Variants in RIMS3 observed in about 807,000 individuals in gnomAD.
RIMS3 encodes regulating synaptic membrane exocytosis 3.
In RIMS3, 15 loss-of-function variants were observed where a neutral mutation model predicts 29.2. That is an observed-to-expected ratio of 0.51 (90% CI 0.34 to 0.79). The LOEUF is 0.79. Among genes scored for constraint, RIMS3 ranks in the 30% least tolerant of loss-of-function variants. The probability of loss-of-function intolerance (pLI) is 0.01; values close to 1 mark genes in which losing one functional copy is unlikely to be tolerated. For synonymous variants in RIMS3, 161 were observed against 170.1 expected (o/e 0.95, Z 0.41); for missense variants, 342 against 421.4 (o/e 0.81, Z 1.65).
intron 1 of RIMS3, among the ~76,000 whole-genome samples, chr1:40,658,663 C>A (rs1642305364): frequency 6.6e-6 from 1 of 152,186 alleles, no homozygotes; most frequent in Non-Finnish European, 1.5e-5. Context: ...GTGGCTGAAA[C>A]CAAGGGACAC....
At chr1:40,677,184 T>C in the RIMS3 span, among the ~76,000 whole-genome samples, 1 of 151,700 alleles carries the variant, frequency 6.6e-6, no homozygotes, top group Non-Finnish European at 1.5e-5. Context: ...AAATTATTTT[T>C]AGTAGAAATG....
chr1:40,628,831 T>G lies in RIMS3; in HGVS notation c.693A>C (p.Gly231=). ...LYQQALLFDE[G]PQGKVLQVIV... is the part of the protein sequence containing the mutation. ...CCACCTGCAGCACCTTGCCCTGGGG[T>G]CCCTCGTCAAAGAGCAGAGCCTGCT... is the stretch of plus-strand genomic sequence containing the variant. The change falls in exon 7 of 8, where the codon GGA becomes GGC. Residue 231 remains glycine (G), a synonymous_variant. Coordinates refer to ENST00000372684, the MANE Select transcript of RIMS3 (RefSeq NM_014747.3). 1 of 1,614,072 alleles carries G rather than the reference T, an allele frequency of 6.2e-7. No homozygotes were observed. The highest frequency in any genetic ancestry group is 8.5e-7 in the Non-Finnish European group (1 of 1,180,014).
chr1:40,665,718 G>GA (rs1642415904), upstream of RIMS3: 1 of 152,908 alleles, frequency 6.5e-6, no homozygotes, highest in African/African-American at 2.4e-5. Flanking sequence ...AGGGGAGGCG[G>GA]GGCCTGCCGG....
intron 3 of RIMS3, among the ~76,000 whole-genome samples, chr1:40,640,334 C>T (rs1405509079): frequency 6.6e-6 from 1 of 152,178 alleles, no homozygotes; most frequent in African/African-American, 2.4e-5. Context: ...CTCTGATAAC[C>T]TCAAGCCCCT....
intron 6 of RIMS3, 97 bp from the exon 7 acceptor site, chr1:40,629,046 G>T: frequency 6.6e-7 from 1 of 1,507,206 alleles, no homozygotes; most frequent in Non-Finnish European, 9.2e-7. Flanking sequence ...AGGTGAGCAG[G>T]ATGTGTGGAA....
the RIMS3 span, among the ~76,000 whole-genome samples, chr1:40,686,862 A>G: frequency 5.3e-5 from 8 of 152,128 alleles, no homozygotes; most frequent in Admixed American, 5.2e-4. Context: ...CCACATGGTC[A>G]TTCTGCCACT....
Position 40,626,667 on chromosome 1 carries a change from G to T in RIMS3, c.777C>A (p.Ile259=). ...DHKCFMGMAQ[I]MLDELDLSAA... ...CGCTGAGGTCCAGCTCGTCCAGCAT[G>T]ATCTGGGCCATGCCCATGAAGCACT... Residue 259 remains isoleucine, a synonymous_variant, in exon 8 of 8, where the codon ATC becomes ATA. Coordinates refer to ENST00000372684, the MANE Select transcript of RIMS3 (RefSeq NM_014747.3). 1 of 1,614,240 alleles carries T rather than the reference G, an allele frequency of 6.2e-7. No individual in the cohort carries two copies. The highest frequency in any genetic ancestry group is 8.5e-7 in the Non-Finnish European group (1 of 1,180,052).
the RIMS3 span, among the ~76,000 whole-genome samples, chr1:40,674,534 G>A: frequency 1.3e-5 from 2 of 152,160 alleles, no homozygotes; most frequent in African/African-American, 4.8e-5. Context: ...TTCATGTGCT[G>A]GAAACTTAAT....
chr1:40,650,169 C>G (rs375271105), intron 1 of RIMS3, among the ~76,000 whole-genome samples: 3 of 152,188 alleles, frequency 2.0e-5, no homozygotes, highest in East Asian at 3.9e-4. Flanking sequence ...TGAGCCGTGT[C>G]TCCCATTCAG....
chr1:40,650,987 C>CT (rs1419396303), intron 1 of RIMS3, among the ~76,000 whole-genome samples: 1 of 151,962 alleles, frequency 6.6e-6, no homozygotes, highest in Non-Finnish European at 1.5e-5. Flanking sequence ...GTCCTGCCAC[C>CT]TTTGCCTGGC....
At position 40,621,713 on chromosome 1, in the gene RIMS3, C is replaced by T. The variant is rs1461586167; in HGVS notation, c.*4804G>A. ...AACTGTACAGAACAGCCTTTGATTC[C>T]CTGTAGCCAGCTGTCCCTGTCCAGA... On this transcript the variant is annotated 3_prime_UTR_variant, in exon 8 of 8. Transcript: ENST00000372684. The T allele has an allele frequency of 6.6e-6, 1 of 152,168 alleles. No homozygotes were observed. Among genetic ancestry groups the T allele is most frequent in the Non-Finnish European group, 1.5e-5 (1 of 68,030 alleles). 9.4% of individuals were successfully genotyped at this position (152,168 alleles called of 1,614,324 possible).
the RIMS3 span, among the ~76,000 whole-genome samples, chr1:40,684,436 G>A: frequency 1.3e-5 from 2 of 152,144 alleles, no homozygotes; most frequent in African/African-American, 4.8e-5. Flanking sequence ...TCTTTAGAAG[G>A]GCTTTTCTTA....
At chr1:40,686,463 T>C in the RIMS3 span, among the ~76,000 whole-genome samples, 1 of 152,080 alleles carries the variant, frequency 6.6e-6, no homozygotes, top group Non-Finnish European at 1.5e-5. Context: ...CCTTCCTGGC[T>C]AACACGGTGA....
the RIMS3 span, among the ~76,000 whole-genome samples, chr1:40,680,236 G>A: frequency 2.0e-5 from 3 of 151,768 alleles, no homozygotes; most frequent in Non-Finnish European, 4.4e-5. Context: ...CAAGCATCAT[G>A]GAAAACTCTG....
chr1:40,633,003 C>T (rs1269181041), intron 5 of RIMS3, 66 bp downstream of exon 5: 1 of 1,292,326 alleles, frequency 7.7e-7, no homozygotes, highest in Non-Finnish European at 1.1e-6. Flanking sequence ...AGGGCCCCCA[C>T]TGAGCTCACC....
intron 1 of RIMS3, among the ~76,000 whole-genome samples, chr1:40,652,033 TG>T (rs1463626983): frequency 1.3e-5 from 2 of 152,176 alleles, no homozygotes; most frequent in African/African-American, 4.8e-5. Context: ...GCTTGAGCTC[TG>T]GGGCCTTGCA....
the RIMS3 span, among the ~76,000 whole-genome samples, chr1:40,679,127 T>A: frequency 6.6e-6 from 1 of 152,194 alleles, no homozygotes; most frequent in Non-Finnish European, 1.5e-5. Context: ...GGCCTGCAGC[T>A]ACCCAACTGC....
At chr1:40,688,728 A>G in the RIMS3 span, among the ~76,000 whole-genome samples, 1 of 152,170 alleles carries the variant, frequency 6.6e-6, no homozygotes, top group Non-Finnish European at 1.5e-5. Flanking sequence ...GGAAATCCTA[A>G]TGCTCAGTGT....
the RIMS3 span, among the ~76,000 whole-genome samples, chr1:40,685,068 TGA>T: frequency 1.3e-5 from 2 of 151,900 alleles, no homozygotes; most frequent in African/African-American, 4.8e-5. Flanking sequence ...CAAATTACCC[TGA>T]GAGGCTATGA....
Sources: gnomAD v4.1 joint callset for allele counts (sites outside exome capture counted in the v4.1 genomes callset) on GRCh38, gnomAD v4.1.1 for gene constraint, MANE v1.5 for transcripts, NCBI Gene and HGNC (gene_info 2026-07-23, HGNC 2026-07-21) for gene names.